FBRSL1: variants seen among roughly 807,000 people sequenced by gnomAD.
The protein encoded by FBRSL1 is fibrosin like 1.
FBRSL1 carries 51 observed loss-of-function variants against 89.6 expected under a neutral mutation model. The observed-to-expected ratio is 0.57, with a 90% confidence interval of 0.45 to 0.72. The LOEUF is 0.72. FBRSL1 is among the 30% of genes least tolerant of loss of function. FBRSL1 has a pLI of 0.00. For missense variants in FBRSL1, 1,618 were observed against 1,451.8 expected (o/e 1.11, Z -1.86); for synonymous variants, 779 against 681.1 (o/e 1.14, Z -2.24).
intron 15 of FBRSL1, 125 bp downstream of exon 15, chr12:132,577,056 T>A: frequency 7.7e-7 from 1 of 1,299,196 alleles, no homozygotes; most frequent in Middle Eastern, 2.8e-4. Flanking sequence ...TGCTTCTTGA[T>A]GCTCACCACT....
Position 132,582,111 on chromosome 12 carries a change from C to T in FBRSL1, c.2046C>T (p.Gly682=). The change falls in exon 18 of 19, where the codon GGC becomes GGT. Residue 682 remains glycine (G), a synonymous_variant. Transcript: ENST00000680143. The stretch of plus-strand genomic sequence containing the variant: ...CCAAGGAGGGCTCCTCCGTGCACGG[C>T]CTGCCCAGCCCCCATGAGGCCTGGA... The part of the protein sequence containing the change: ...FAPKEGSSVH[G]LPSPHEAWNR... The T allele has an allele frequency of 6.5e-7, 1 of 1,549,802 alleles. No homozygotes were observed. The highest frequency in any genetic ancestry group is 8.7e-7 in the Non-Finnish European group (1 of 1,146,700).
At chr12:132,580,981 G>A (rs754419675) in intron 15 of FBRSL1, 2 of 985,488 alleles carry the variant, frequency 2.0e-6, no homozygotes, top group Non-Finnish European at 2.4e-6. Flanking sequence ...GCCACAAGGG[G>A]CTGCCATGTG....
At chr12:132,494,337 CTG>C (rs1466753666) in intron 1 of FBRSL1, among the ~76,000 whole-genome samples, 2 of 152,240 alleles carry the variant, frequency 1.3e-5, no homozygotes, top group African/African-American at 2.4e-5. Context: ...CCCAAGAAGA[CTG>C]GGGTCTGAGA....
intron 3 of FBRSL1, 53 bp downstream of exon 3, chr12:132,525,876 G>T (rs4883569): frequency 1.1e-5 from 16 of 1,417,536 alleles, no homozygotes; most frequent in Non-Finnish European, 1.4e-5. Flanking sequence ...CCGCCTGCCC[G>T]CTGCGCCCCG....
chr12:132,551,367 C>T, intron 5 of FBRSL1: 1 of 452,732 alleles, frequency 2.2e-6, no homozygotes, highest in South Asian at 1.6e-5. Context: ...AAGCCACAGA[C>T]AGCGTCCTGC....
intron 15 of FBRSL1, among the ~76,000 whole-genome samples, chr12:132,578,682 G>A (rs1413672975): frequency 1.3e-5 from 2 of 151,360 alleles, no homozygotes; most frequent in Non-Finnish European, 2.9e-5. Flanking sequence ...CCAGGTCCTT[G>A]AGGCCTGTCC....
intron 2 of FBRSL1, among the ~76,000 whole-genome samples, chr12:132,513,880 A>G (rs947017878): frequency 2.6e-5 from 4 of 151,914 alleles, no homozygotes; most frequent in African/African-American, 9.7e-5. Context: ...CCAGGGAGGG[A>G]GGGGTGTGAG....
At chr12:132,492,154 G>A (rs771932896) in intron 1 of FBRSL1, among the ~76,000 whole-genome samples, 2 of 152,178 alleles carry the variant, frequency 1.3e-5, no homozygotes, top group Admixed American at 6.5e-5. Flanking sequence ...CTGAGACCAC[G>A]AGGATGCCCA....
intron 5 of FBRSL1, among the ~76,000 whole-genome samples, chr12:132,567,273 C>T (rs894195128): frequency 3.3e-5 from 5 of 152,218 alleles, no homozygotes; most frequent in Non-Finnish European, 5.9e-5. Context: ...CAGAGAGGGG[C>T]CTGTGTGCCC....
At chr12:132,501,319 C>T (rs921190594) in intron 1 of FBRSL1, among the ~76,000 whole-genome samples, 6 of 152,186 alleles carry the variant, frequency 3.9e-5, no homozygotes, top group African/African-American at 1.4e-4. Flanking sequence ...GTGGTCCTCG[C>T]GCCCCAGGCC....
intron 9 of FBRSL1, 100 bp downstream of exon 9, chr12:132,571,331 T>C (rs2039994725): frequency 6.5e-7 from 1 of 1,548,892 alleles, no homozygotes; most frequent in African/African-American, 1.4e-5. Context: ...AGGCAAGAGC[T>C]GAACACGCGG....
intron 2 of FBRSL1, among the ~76,000 whole-genome samples, chr12:132,520,407 G>A (rs2035247227): frequency 1.3e-5 from 2 of 152,160 alleles, no homozygotes; most frequent in Admixed American, 6.5e-5. Flanking sequence ...GGTTGACCCC[G>A]GAACTGGGTC....
chr12:132,570,081 G>T lies in FBRSL1; in HGVS notation c.847G>T (p.Ala283Ser). 1 of 1,488,012 alleles carries T rather than the reference G, an allele frequency of 6.7e-7. No individual in the cohort carries two copies. Among genetic ancestry groups the T allele is most frequent in the Non-Finnish European group, 8.9e-7 (1 of 1,126,588 alleles). The allele number at this position is 1,488,012 out of a possible 1,614,324, so 92.2% of individuals were successfully genotyped here. A position where few individuals can be genotyped will look rare whatever the true frequency, so the allele number is the denominator to read the frequency against. Residue 283 changes from alanine (A) to serine (S), a missense_variant, in exon 7 of 19, where the codon GCC becomes TCC. Physicochemically the swap from Ala to Ser is moderately conservative, Grantham distance 99. Transcript: ENST00000680143. Reference protein sequence around the residue: ...PCPGPPPGSRANPLVKKEPPA... With the variant: ...PCPGPPPGSRSNPLVKKEPPA... The stretch of plus-strand genomic sequence containing the variant: ...CCCGGGGCCCCCGCCCGGCTCCCGC[G>T]CCAATCCCTTGGTGAAGAAGGAACC...
At chr12:132,513,126 T>C (rs2034522813) in intron 2 of FBRSL1, among the ~76,000 whole-genome samples, 1 of 152,254 alleles carries the variant, frequency 6.6e-6, no homozygotes, top group Non-Finnish European at 1.5e-5. Context: ...TCCAGGTTTC[T>C]CTGGATTTGG....
At chr12:132,538,820 A>G (rs942130099) in intron 4 of FBRSL1, among the ~76,000 whole-genome samples, 113 of 142,226 alleles carry the variant, frequency 7.9e-4, no homozygotes, top group African/African-American at 2.5e-3. Flanking sequence ...GTAAGCAAAT[A>G]TAGCATTTTT....
chr12:132,509,502 T>C, intron 2 of FBRSL1: 13 of 1,237,000 alleles, frequency 1.1e-5, no homozygotes, highest in Non-Finnish European at 1.3e-5. Flanking sequence ...GGCCCAGCCC[T>C]GCCGGCCGCA....
At position 132,584,819 on chromosome 12, in the gene FBRSL1, T is replaced by TACGCACAC. The variant is rs879157137; in HGVS notation, c.*1043_*1044insGCACACAC. On this transcript the variant is annotated 3_prime_UTR_variant, in exon 19 of 19. Transcript: ENST00000680143. ...AGTGCAAGAGTCTAAAGGCTGATTT[T>TACGCACAC]ACACACACACACACACACACACACA... The TACGCACAC allele has an allele frequency of 4.0e-5, 4 of 99,482 alleles. No homozygotes were observed. Among genetic ancestry groups the TACGCACAC allele is most frequent in the Non-Finnish European group, 2.1e-5 (1 of 47,172 alleles). The allele number at this position is 99,482 out of a possible 1,614,324, so 6.2% of individuals were successfully genotyped here.
intron 2 of FBRSL1, among the ~76,000 whole-genome samples, chr12:132,514,822 A>C (rs1203205687): frequency 3.3e-5 from 5 of 152,236 alleles, no homozygotes; most frequent in Non-Finnish European, 5.9e-5. Flanking sequence ...GTTAAGAAGA[A>C]ATAAGTAAAA....
intron 5 of FBRSL1, chr12:132,553,839 G>C (rs1367442022): frequency 6.6e-6 from 1 of 152,270 alleles, no homozygotes; most frequent in Non-Finnish European, 1.5e-5. Context: ...GATGGCAGCA[G>C]TGGAGCTGGA....
Sources: gnomAD v4.1 joint callset for allele counts (sites outside exome capture counted in the v4.1 genomes callset) on GRCh38, gnomAD v4.1.1 for gene constraint, MANE v1.5 for transcripts, NCBI Gene and HGNC (gene_info 2026-07-23, HGNC 2026-07-21) for gene names.